Variants in ACSF3 observed in about 807,000 individuals in gnomAD.
ACSF3 encodes the protein acyl-CoA synthetase family member 3.
Under a neutral mutation model 53.2 loss-of-function variants are expected in ACSF3, and 78 were observed. That is an observed-to-expected ratio of 1.47 (90% CI 1.22 to 1.77). The LOEUF is 1.77. Among genes scored for constraint, ACSF3 ranks in the 40% most tolerant of loss-of-function variants. ACSF3 has a pLI of 0.00. For synonymous variants in ACSF3, 414 were observed against 333.1 expected (o/e 1.24, Z -2.65); for missense variants, 937 against 771.1 (o/e 1.22, Z -2.55).
At chr16:89,099,072 T>C (rs1396045876) in intron 2 of ACSF3, among the ~76,000 whole-genome samples, 1 of 152,256 alleles carries the variant, frequency 6.6e-6, no homozygotes, top group East Asian at 1.9e-4. Context: ...CTATTCTTAC[T>C]GTGAGTCGAG....
At chr16:89,140,782 T>C (rs1240127736) in intron 8 of ACSF3, among the ~76,000 whole-genome samples, 1 of 152,154 alleles carries the variant, frequency 6.6e-6, no homozygotes, top group African/African-American at 2.4e-5. Flanking sequence ...ACCTACACTC[T>C]AGAGAATTCA....
At chr16:89,139,310 G>A (rs1433642246) in intron 8 of ACSF3, among the ~76,000 whole-genome samples, 13 of 152,090 alleles carry the variant, frequency 8.5e-5, no homozygotes, top group Admixed American at 5.2e-4. Context: ...GGGTCAGGAC[G>A]TCGGCTCCCA....
chr16:89,119,621 C>T (rs558840520), intron 6 of ACSF3, among the ~76,000 whole-genome samples: 8 of 152,196 alleles, frequency 5.3e-5, no homozygotes, highest in Non-Finnish European at 1.2e-4. Context: ...AAGCTGGCCC[C>T]GCCACACCCC....
intron 10 of ACSF3, chr16:89,153,139 C>T (rs578205492): frequency 6.5e-6 from 1 of 152,688 alleles, no homozygotes; most frequent in Non-Finnish European, 1.5e-5. Context: ...TGGACTTTTC[C>T]GCGGAACAGT....
At chr16:89,143,590 G>C (rs907359358) in intron 8 of ACSF3, among the ~76,000 whole-genome samples, 3 of 152,212 alleles carry the variant, frequency 2.0e-5, no homozygotes, top group East Asian at 3.8e-4. Flanking sequence ...ACACAAGCCA[G>C]GCTGCACAGC....
intron 8 of ACSF3, chr16:89,140,935 A>T: frequency 5.5e-6 from 3 of 540,648 alleles, no homozygotes; most frequent in Non-Finnish European, 8.5e-6. Context: ...AAACTCCTTT[A>T]ATGAACACAT....
chr16:89,103,477 G>A (rs554212981), intron 4 of ACSF3, among the ~76,000 whole-genome samples: 64 of 152,330 alleles, frequency 4.2e-4, no homozygotes, highest in Middle Eastern at 6.8e-3. Flanking sequence ...GCAGGCACAC[G>A]GCCTTCTCTC....
chr16:89,114,731 T>G lies in ACSF3; in HGVS notation c.1126+244T>G, dbSNP rs3743982. 528,687 of 595,128 alleles carry G rather than the reference T, an allele frequency of 0.89. 236,907 individuals are homozygous for G. The highest frequency in any genetic ancestry group is 0.93 in the Admixed American group (35,727 of 38,308). The allele number at this position is 595,128 out of a possible 1,614,324, so 36.9% of individuals were successfully genotyped here. ...AGGTGTCTGTGCTGGCCCCTGGCTG[T>G]ATGACTGGGGAGACAATGGGAAGAA... On this transcript the variant is annotated intron_variant, in intron 6 of 10. Transcript: ENST00000614302.
intron 4 of ACSF3, among the ~76,000 whole-genome samples, chr16:89,106,378 C>T (rs570085956): frequency 1.0e-3 from 159 of 152,162 alleles, no homozygotes; most frequent in Non-Finnish European, 1.7e-3. Flanking sequence ...CTGCAACCTC[C>T]GCCTCCTGGG....
intron 4 of ACSF3, among the ~76,000 whole-genome samples, chr16:89,105,731 A>G (rs1194698078): frequency 6.6e-6 from 1 of 152,180 alleles, no homozygotes; most frequent in East Asian, 1.9e-4. Context: ...AGAGGCAGCA[A>G]CGGCCATTGT....
chr16:89,103,227 C>G (rs936675422), intron 4 of ACSF3, among the ~76,000 whole-genome samples: 1 of 152,240 alleles, frequency 6.6e-6, no homozygotes, highest in Non-Finnish European at 1.5e-5. Context: ...TGTACAGGCC[C>G]TGCTGCCCGC....
intron 7 of ACSF3, among the ~76,000 whole-genome samples, chr16:89,132,454 C>G (rs1909533189): frequency 6.6e-6 from 1 of 152,230 alleles, no homozygotes; most frequent in African/African-American, 2.4e-5. Flanking sequence ...GGACCCCCAG[C>G]CCAGGCTCAT....
chr16:89,151,051 G>A (rs1046566168), intron 10 of ACSF3: 1 of 1,288,962 alleles, frequency 7.8e-7, no homozygotes, highest in African/African-American at 1.5e-5. Flanking sequence ...CCAACCAAGA[G>A]GAGAGAAAAC....
At chr16:89,113,906 C>T (rs1463540202) in intron 5 of ACSF3, 3 of 324,180 alleles carry the variant, frequency 9.3e-6, no homozygotes, top group South Asian at 5.0e-5. Flanking sequence ...CAAGCTGAGC[C>T]GGCTGTAGTC....
chr16:89,117,235 C>T (rs999985197), intron 6 of ACSF3, among the ~76,000 whole-genome samples: 3 of 152,286 alleles, frequency 2.0e-5, no homozygotes, highest in African/African-American at 4.8e-5. Flanking sequence ...GCTTTGTGGG[C>T]GTCCTCTCTT....
At chr16:89,107,033 T>C (rs913665702) in intron 4 of ACSF3, among the ~76,000 whole-genome samples, 4 of 152,246 alleles carry the variant, frequency 2.6e-5, no homozygotes, top group African/African-American at 9.6e-5. Context: ...GATCGCAGCA[T>C]GGACTCAGGA....
chr16:89,136,998 C>T (rs892300212), intron 8 of ACSF3, among the ~76,000 whole-genome samples: 12 of 152,224 alleles, frequency 7.9e-5, no homozygotes, highest in Non-Finnish European at 1.6e-4. Context: ...TGCCCTCGCT[C>T]AGAGACACAC....
chr16:89,149,964 C>T (rs1327212299), intron 10 of ACSF3: 2 of 152,100 alleles, frequency 1.3e-5, no homozygotes, highest in East Asian at 3.8e-4. Flanking sequence ...TAAGGAACTA[C>T]CCAAGATGGT....
intron 8 of ACSF3, among the ~76,000 whole-genome samples, chr16:89,133,893 C>T (rs986706428): frequency 1.3e-5 from 2 of 152,206 alleles, no homozygotes; most frequent in African/African-American, 4.8e-5. Flanking sequence ...GGAGAGACGG[C>T]GGCGCCCCTG....
Sources: gnomAD v4.1 joint callset for allele counts (sites outside exome capture counted in the v4.1 genomes callset) on GRCh38, gnomAD v4.1.1 for gene constraint, MANE v1.5 for transcripts, NCBI Gene and HGNC (gene_info 2026-07-23, HGNC 2026-07-21) for gene names.